The following HDGF variants were observed in gnomAD, a reference collection of about 807,000 sequenced individuals.
The protein encoded by HDGF is heparin binding growth factor, also known as hepatoma-derived growth factor.
HDGF carries 5 observed loss-of-function variants against 30.0 expected under a neutral mutation model. That is an observed-to-expected ratio of 0.17 (90% CI 0.09 to 0.35). The LOEUF (loss-of-function observed/expected upper bound fraction) is 0.35, where lower values mean the gene tolerates loss of function less well. Among genes scored for constraint, HDGF ranks in the 10% least tolerant of loss-of-function variants. The pLI is 1.00. For missense variants in HDGF, 214 were observed against 302.8 expected (o/e 0.71, Z 2.18); for synonymous variants, 133 against 112.7 (o/e 1.18, Z -1.14).
At chr1:156,748,026 G>A (rs1389548101) in intron 1 of HDGF, among the ~76,000 whole-genome samples, 1 of 152,168 alleles carries the variant, frequency 6.6e-6, no homozygotes, top group Non-Finnish European at 1.5e-5. Flanking sequence ...AGATATGCCA[G>A]CCCTGCTGAC....
rs376799461 is a variant in HDGF at position 156,749,415 on chromosome 1, T to C, written c.87+1928A>G. On this transcript the variant is annotated intron_variant, in intron 1 of 5. Coordinates refer to ENST00000357325, the MANE Select transcript of HDGF (RefSeq NM_004494.3). ...GTTCTTTTGGAGTACAAGGGGACTG[T>C]GTCTGGGAGGTAACAGCCTTGGGTG... is the stretch of plus-strand genomic sequence containing the variant. Among the ~76,000 whole-genome samples, 3 of 152,214 alleles carry C rather than the reference T, an allele frequency of 2.0e-5. No individual in the cohort carries two copies. In the South Asian group the frequency reaches 6.2e-4, roughly 31 times the overall value.
At chr1:156,757,311 C>T (rs1378592553), upstream of HDGF, among the ~76,000 whole-genome samples, 1 of 149,896 alleles carries the variant, frequency 6.7e-6, no homozygotes, top group Non-Finnish European at 1.5e-5. Flanking sequence ...AAAAAAAATG[C>T]AAAAATTAGC....
At position 156,746,287 on chromosome 1, in the gene HDGF, C is replaced by CTA. The variant is rs1253682495; in HGVS notation, c.88-915_88-914insTA. Among the ~76,000 whole-genome samples the CTA allele has an allele frequency of 5.4e-3, 820 of 152,334 alleles. 11 individuals carry two copies. Among genetic ancestry groups the CTA allele is most frequent in the African/African-American group, 0.018 (755 of 41,572 alleles). On this transcript the variant is annotated intron_variant, in intron 1 of 5. Transcript: ENST00000357325. ...CAGAGACCAGCTCTGCTTTTATCTG[C>CTA]AGCACGGTGCTTAGCATACAGTAGG...
intron 1 of HDGF, among the ~76,000 whole-genome samples, chr1:156,765,478 T>TTC (rs1384839864): frequency 3.1e-5 from 4 of 131,076 alleles, no homozygotes; most frequent in Non-Finnish European, 6.5e-5. Flanking sequence ...CTTTCTTTTT[T>TTC]TTTTTTTTTT....
intron 1 of HDGF, among the ~76,000 whole-genome samples, chr1:156,765,095 CT>C (rs869251878): frequency 2.3e-3 from 324 of 140,102 alleles, no homozygotes; most frequent in African/African-American, 6.3e-3. Flanking sequence ...CCCCCCCGCC[CT>C]TTTTTTTTTT....
intron 3 of HDGF, 30 bp from the exon 4 acceptor site, chr1:156,744,378 C>G (rs1650363610): frequency 6.2e-7 from 1 of 1,611,794 alleles, no homozygotes; most frequent in African/African-American, 1.3e-5. Context: ...GGCTGAGTGG[C>G]ACCAGTCGCT....
chr1:156,745,516 T>G, intron 1 of HDGF, 143 bp from the exon 2 acceptor site: 1 of 642,140 alleles, frequency 1.6e-6, no homozygotes. Context: ...TTGGGCCATT[T>G]TTAGCAGTGA....
At chr1:156,752,311 G>C (rs1651034246), upstream of HDGF, 2 of 1,551,676 alleles carry the variant, frequency 1.3e-6, no homozygotes, top group Non-Finnish European at 1.7e-6. Flanking sequence ...GAGTTTGGTA[G>C]CCAGGAGATG....
intron 1 of HDGF, among the ~76,000 whole-genome samples, chr1:156,749,731 C>T (rs559024619): frequency 1.3e-5 from 2 of 152,280 alleles, no homozygotes; most frequent in African/African-American, 4.8e-5. Context: ...TGCTGTGTCC[C>T]TGCCCCTTTT....
intron 2 of HDGF, among the ~76,000 whole-genome samples, chr1:156,757,902 G>A (rs1212474317): frequency 6.6e-6 from 1 of 152,200 alleles, no homozygotes; most frequent in Non-Finnish European, 1.5e-5. Context: ...CTAGTATGGT[G>A]TAAATACAGA....
intron 1 of HDGF, among the ~76,000 whole-genome samples, chr1:156,747,242 T>TCCCCCCC (rs1558034256): frequency 1.0e-4 from 2 of 19,374 alleles, no homozygotes; most frequent in African/African-American, 2.2e-4. Context: ...CCCTCCCCCC[T>TCCCCCCC]CCCCCCCGCC....
intron 1 of HDGF, among the ~76,000 whole-genome samples, chr1:156,761,676 G>T (rs1044245550): frequency 2.1e-5 from 3 of 145,734 alleles, no homozygotes; most frequent in African/African-American, 5.1e-5. Context: ...GGCCGGGCAT[G>T]GTGGCTCACG....
chr1:156,756,897 A>G (rs1462536184), upstream of HDGF, among the ~76,000 whole-genome samples: 1 of 146,404 alleles, frequency 6.8e-6, no homozygotes, highest in East Asian at 2.0e-4. Context: ...GGTTTAAGTG[A>G]TTCTCCCACC....
At chr1:156,745,573 G>A (rs1282343811) in intron 1 of HDGF, among the ~76,000 whole-genome samples, 200 bp from the exon 2 acceptor site, 1 of 152,128 alleles carries the variant, frequency 6.6e-6, no homozygotes, top group Non-Finnish European at 1.5e-5. Context: ...CAGAAACCCA[G>A]GAATCCTTCC....
intron 1 of HDGF, among the ~76,000 whole-genome samples, chr1:156,748,042 G>A (rs1346627942): frequency 2.0e-5 from 3 of 152,152 alleles, no homozygotes; most frequent in Non-Finnish European, 4.4e-5. Context: ...CTGACTTCTA[G>A]CTACATAAAG....
chr1:156,759,479 C>CTTTTTT (rs540212944), intron 1 of HDGF, among the ~76,000 whole-genome samples: 55 of 124,594 alleles, frequency 4.4e-4, no homozygotes, highest in Non-Finnish European at 6.3e-4. Context: ...ATACCCCATT[C>CTTTTTT]TTTTTTTTTT....
At chr1:156,764,779 G>C (rs999265156) in intron 1 of HDGF, among the ~76,000 whole-genome samples, 1 of 151,544 alleles carries the variant, frequency 6.6e-6, no homozygotes, top group South Asian at 2.1e-4. Context: ...CCAGCTACTC[G>C]GGAGGCTGAG....
intron 5 of HDGF, 32 bp from the exon 6 acceptor site, chr1:156,743,487 A>G: frequency 6.4e-7 from 1 of 1,557,102 alleles, no homozygotes; most frequent in Non-Finnish European, 8.7e-7. Context: ...GAGAAGGGTT[A>G]ATGGTGTGGC....
Position 156,751,653 on chromosome 1 carries a change from G to A in HDGF, c.-224C>T, listed in dbSNP as rs998029039. ...CAAGGCTCCGGCGCGGTGGGTGCGC[G>A]CTCGTGCAGTTGTTTGTGTTTGAAA... On this transcript the variant is annotated 5_prime_UTR_variant, in exon 1 of 6. Coordinates refer to ENST00000357325, the MANE Select transcript of HDGF (RefSeq NM_004494.3). The surrounding 1 kb of genome is among the most constrained non-coding windows in gnomAD (Gnocchi z 4.7). 9.4e-5 allele frequency: 96 copies of A among 1,020,218 alleles called. No homozygotes were observed. Among genetic ancestry groups the A allele is most frequent in the Non-Finnish European group, 1.1e-4 (96 of 853,878 alleles). The allele number at this position is 1,020,218 out of a possible 1,614,324, so 63.2% of individuals were successfully genotyped here.
Sources: allele counts gnomAD v4.1 joint callset (sites outside exome capture counted in the v4.1 genomes callset), GRCh38; gene constraint gnomAD v4.1.1; non-coding constraint Gnocchi (gnomAD v3.1); transcripts MANE v1.5; gene names NCBI Gene and HGNC (gene_info 2026-07-23, HGNC 2026-07-21).